CCDC102B: variants seen among roughly 807,000 people sequenced by gnomAD.
The protein encoded by CCDC102B is coiled-coil domain containing 102B, also known as coiled-coil domain-containing protein 102B.
CCDC102B carries 75 observed loss-of-function variants against 57.4 expected under a neutral mutation model. The observed-to-expected ratio is 1.31, with a 90% CI of 1.08 to 1.58. The LOEUF is 1.58. Ranked by LOEUF, CCDC102B falls within the 40% of genes most tolerant of loss-of-function variation. The probability of loss-of-function intolerance (pLI) is 0.00; values close to 1 mark genes in which losing one functional copy is unlikely to be tolerated. For synonymous variants in CCDC102B, 206 were observed against 201.9 expected (o/e 1.02, Z -0.17); for missense variants, 636 against 582.6 (o/e 1.09, Z -0.94).
chr18:68,874,809 C>T lies in CCDC102B; in HGVS notation c.1053+24C>T, dbSNP rs1193813514. 3.0e-6 allele frequency: 4 copies of T among 1,339,910 alleles called. No homozygotes were observed. In the South Asian group the frequency reaches 3.6e-5, roughly 12 times the overall value. 83.0% of individuals were successfully genotyped at this position (1,339,910 alleles called of 1,614,324 possible). A position where few individuals can be genotyped will look rare whatever the true frequency, so the allele number is the denominator to read the frequency against. ...AGGTAAGACACTGGGTAAAGAGTAC[C>T]ATATATATTAAAACATAACTGACTG... On this transcript the variant is annotated intron_variant, in intron 5 of 7. Coordinates refer to ENST00000360242, the MANE Select transcript of CCDC102B (RefSeq NM_024781.3).
At chr18:68,898,102 G>T (rs567995262) in intron 6 of CCDC102B, among the ~76,000 whole-genome samples, 4 of 151,926 alleles carry the variant, frequency 2.6e-5, no homozygotes, top group Admixed American at 1.3e-4. Context: ...GCTTTTAATG[G>T]CAGTCTTATA....
intron 1 of CCDC102B, among the ~76,000 whole-genome samples, chr18:68,813,650 C>T (rs758620294): frequency 1.6e-4 from 25 of 151,552 alleles, no homozygotes; most frequent in Non-Finnish European, 3.5e-4. Context: ...GGAGCCCAGG[C>T]GAGGGGAGAC....
chr18:68,796,694 G>C (rs1043789346), upstream of CCDC102B, among the ~76,000 whole-genome samples: 9 of 152,076 alleles, frequency 5.9e-5, no homozygotes, highest in Non-Finnish European at 1.3e-4. Flanking sequence ...AAGAGGTCAA[G>C]AGGAAAACCA....
At position 68,736,366 on chromosome 18, in the gene CCDC102B, A is replaced by G. The variant is rs555463369; in HGVS notation, c.-67+19772A>G. Among the ~76,000 whole-genome samples, 4 of 152,344 alleles carry G rather than the reference A, an allele frequency of 2.6e-5. No homozygotes were observed. In the South Asian group the frequency reaches 8.3e-4, roughly 32 times the overall value. On this transcript the variant is annotated intron_variant, in intron 2 of 3. Coordinates refer to the CCDC102B transcript ENST00000578970. ...TCCAGGAATGGCATCTGTGAAACAC[A>G]AACATCTTTCTCCAACTTGATGGTG...
At chr18:68,781,472 A>G (rs1198770158) in intron 2 of CCDC102B, among the ~76,000 whole-genome samples, 1 of 152,118 alleles carries the variant, frequency 6.6e-6, no homozygotes, top group Non-Finnish European at 1.5e-5. Context: ...TCCAAGGGCC[A>G]TTGTTGGAGG....
intron 7 of CCDC102B, 52 bp downstream of exon 7, chr18:69,011,156 G>GA: frequency 2.7e-6 from 4 of 1,473,420 alleles, no homozygotes; most frequent in African/African-American, 1.4e-5. Flanking sequence ...TAGTATTTTA[G>GA]AGCATATCTA....
intron 5 of CCDC102B, among the ~76,000 whole-genome samples, chr18:68,877,702 A>G (rs1328876160): frequency 6.6e-6 from 1 of 152,320 alleles, no homozygotes. Flanking sequence ...GAACTTTTCC[A>G]TCATTATCAT....
At chr18:68,840,868 T>G (rs1599548564) in intron 3 of CCDC102B, among the ~76,000 whole-genome samples, 1 of 152,202 alleles carries the variant, frequency 6.6e-6, no homozygotes, top group African/African-American at 2.4e-5. Flanking sequence ...TTTTACTTTC[T>G]TGGAATAAAT....
intron 1 of CCDC102B, among the ~76,000 whole-genome samples, chr18:68,813,928 T>A (rs930293895): frequency 6.6e-6 from 1 of 151,994 alleles, no homozygotes; most frequent in Non-Finnish European, 1.5e-5. Context: ...TAAAAATTTT[T>A]ATAAGTTAAA....
chr18:68,969,275 C>A (rs543303019), intron 6 of CCDC102B, among the ~76,000 whole-genome samples: 1 of 152,276 alleles, frequency 6.6e-6, no homozygotes, highest in South Asian at 2.1e-4. Flanking sequence ...GGGGCCCTCG[C>A]CTGTGCTGCC....
At chr18:68,893,155 A>G (rs2040135647) in intron 5 of CCDC102B, among the ~76,000 whole-genome samples, 1 of 152,214 alleles carries the variant, frequency 6.6e-6, no homozygotes, top group African/African-American at 2.4e-5. Flanking sequence ...TCTTTAGGAA[A>G]TAAATTTATG....
At chr18:68,990,880 C>T (rs1418413123) in intron 6 of CCDC102B, among the ~76,000 whole-genome samples, 2 of 152,042 alleles carry the variant, frequency 1.3e-5, no homozygotes, top group African/African-American at 4.8e-5. Context: ...ATCTTCTCTC[C>T]CAAAAAGTCA....
chr18:68,991,158 G>T (rs1599806347), intron 6 of CCDC102B, among the ~76,000 whole-genome samples: 2 of 120,136 alleles, frequency 1.7e-5, no homozygotes, highest in Non-Finnish European at 1.7e-5. Context: ...ATACAAGTCT[G>T]AATTGTTTGG....
At chr18:69,031,233 C>T (rs962217270) in intron 7 of CCDC102B, among the ~76,000 whole-genome samples, 1 of 152,070 alleles carries the variant, frequency 6.6e-6, no homozygotes, top group African/African-American at 2.4e-5. Flanking sequence ...TTCTTCTGAG[C>T]ATTGTAGTCC....
At chr18:68,948,324 A>C (rs1685944288) in intron 6 of CCDC102B, among the ~76,000 whole-genome samples, 1 of 152,150 alleles carries the variant, frequency 6.6e-6, no homozygotes, top group Non-Finnish European at 1.5e-5. Flanking sequence ...TATTTTAAAT[A>C]AAATTCATAA....
At chr18:68,729,099 A>G (rs2032742811) in intron 2 of CCDC102B, among the ~76,000 whole-genome samples, 1 of 152,202 alleles carries the variant, frequency 6.6e-6, no homozygotes, top group Admixed American at 6.5e-5. Flanking sequence ...GAAAACATGC[A>G]TTTAAAAAAT....
At chr18:69,047,571 T>C in intron 7 of CCDC102B, among the ~76,000 whole-genome samples, 1 of 151,966 alleles carries the variant, frequency 6.6e-6, no homozygotes, top group South Asian at 2.1e-4. Context: ...ATAAAACGCA[T>C]CCAAATTGGA....
At chr18:68,818,490 A>G (rs2036576371) in intron 1 of CCDC102B, among the ~76,000 whole-genome samples, 1 of 152,210 alleles carries the variant, frequency 6.6e-6, no homozygotes, top group Admixed American at 6.5e-5. Context: ...CAGATCAAGT[A>G]ATAGAATATT....
chr18:68,748,552 C>A (rs2033720101), intron 2 of CCDC102B, among the ~76,000 whole-genome samples: 2 of 152,112 alleles, frequency 1.3e-5, no homozygotes, highest in African/African-American at 4.8e-5. Flanking sequence ...GTAGGGATAG[C>A]AACCTCCTCT....
Sources: gnomAD v4.1 joint callset for allele counts (sites outside exome capture counted in the v4.1 genomes callset) on GRCh38, gnomAD v4.1.1 for gene constraint, MANE v1.5 for transcripts, NCBI Gene and HGNC (gene_info 2026-07-23, HGNC 2026-07-21) for gene names.